ATG9A: variants seen among roughly 807,000 people sequenced by gnomAD.
ATG9A encodes the protein autophagy-related protein 9A.
In ATG9A, 21 loss-of-function variants were observed where a neutral mutation model predicts 87.1. The ratio of observed to expected loss-of-function variants is 0.24; its 90% confidence interval spans 0.17 to 0.35. ATG9A has a LOEUF of 0.35. ATG9A is among the 10% of genes least tolerant of loss of function. The probability of loss-of-function intolerance (pLI) is 1.00; values close to 1 mark genes in which losing one functional copy is unlikely to be tolerated. For missense variants in ATG9A, 836 were observed against 1,107.3 expected, an observed-to-expected ratio of 0.76 and a Z score of 3.48; for synonymous variants, 422 against 441.3, an observed-to-expected ratio of 0.96 and a Z score of 0.55.
At position 219,222,429 on chromosome 2, in the gene ATG9A, C is replaced by T; in HGVS notation, c.1870G>A (p.Val624Met). 5.1e-6 allele frequency: 8 copies of T among 1,572,834 alleles called. No individual in the cohort carries two copies. The highest frequency in any genetic ancestry group is 6.9e-6 in the Non-Finnish European group (8 of 1,160,524). ...CCCCGGCAGGATGAGCCAGCTACCA[C>T]ATTTGCGATAAGGCTCAGGGGCTAT... is the stretch of plus-strand genomic sequence containing the variant. ...ESEPLSLIAN[V>M]VAGSSCRGPP... Residue 624 changes from valine to methionine, a missense_variant, in exon 12 of 16, where the codon GTG (valine) becomes ATG (methionine). This residue lies in a region of ATG9A where 324 missense variants were observed against 347.6 expected (regional missense o/e 0.93). Coordinates refer to ENST00000361242, the MANE Select transcript of ATG9A (RefSeq NM_001077198.3). This position sits in a 1 kb window ranked among gnomAD's most constrained non-coding sequence, Gnocchi z 4.3.
intron 4 of ATG9A, among the ~76,000 whole-genome samples, chr2:219,227,310 G>C (rs888206023): frequency 6.6e-6 from 1 of 152,186 alleles, no homozygotes; most frequent in Non-Finnish European, 1.5e-5. Context: ...TTGAGGTCAG[G>C]AGTTCGAGAC....
intron 6 of ATG9A, 36 bp downstream of exon 6, chr2:219,225,375 C>G (rs1009521544): frequency 6.8e-6 from 11 of 1,608,238 alleles, no homozygotes; most frequent in Middle Eastern, 1.7e-4. Context: ...TAGCAGAACT[C>G]AAGGCTATGG....
chr2:219,228,318 A>G (rs1950911155), intron 2 of ATG9A, 116 bp downstream of exon 2: 2 of 404,618 alleles, frequency 4.9e-6, no homozygotes, highest in Admixed American at 4.2e-5. Flanking sequence ...TTCATCTTCT[A>G]TTTAACGGAC....
rs750665306 is a variant in ATG9A at position 219,223,777 on chromosome 2, G to A, written c.1420-13C>T. The A allele has an allele frequency of 6.2e-7, 1 of 1,613,552 alleles. No individual in the cohort carries two copies. The highest frequency in any genetic ancestry group is 1.1e-5 in the South Asian group (1 of 91,036). On this transcript the variant is annotated splice_polypyrimidine_tract_variant and intron_variant, in intron 9 of 15. Transcript: ENST00000361242. The surrounding 1 kb of genome is among the most constrained non-coding windows in gnomAD (Gnocchi z 4.7). Reference sequence around the variant, plus strand: ...CCAAAATGAACACCTAAAAGGGCGGGACCAAGGTCACAAGCGAGCAGGAGG... The same window carrying A: ...CCAAAATGAACACCTAAAAGGGCGGAACCAAGGTCACAAGCGAGCAGGAGG...
chr2:219,226,407 G>C (rs1030947069), intron 5 of ATG9A, among the ~76,000 whole-genome samples: 7 of 152,244 alleles, frequency 4.6e-5, no homozygotes, highest in African/African-American at 1.7e-4. Flanking sequence ...AAGCTTGGCC[G>C]GGCGTGGTGG....
rs16841418 is a variant in ATG9A, at chr2:219,229,579, CGCTCGGCTCG to C, written c.-136_-127del. On this transcript the variant is annotated 5_prime_UTR_variant, in exon 1 of 16. Coordinates refer to ENST00000361242, the MANE Select transcript of ATG9A (RefSeq NM_001077198.3). The surrounding 1 kb of genome is among the most constrained non-coding windows in gnomAD (Gnocchi z 4.2). ...GTGATTCCAGAGGCTCCGCCGGCTCCGCTCGGCTCGGCTCGGCTCGGCGCGACCCGCGGCG... is the reference window on the plus strand; with the variant it reads ...GTGATTCCAGAGGCTCCGCCGGCTCCGCTCGGCTCGGCGCGACCCGCGGCG... The C allele has an allele frequency of 1.3e-5, 2 of 152,652 alleles. No individual in the cohort carries two copies. The highest frequency in any genetic ancestry group is 6.5e-5 in the Admixed American group (1 of 15,284). The allele number at this position is 152,652 out of a possible 1,614,324, so 9.5% of individuals were successfully genotyped here.
In ATG9A at chr2:219,220,216, C is replaced by T. The variant is rs10799; in HGVS notation, c.*231G>A. On this transcript the variant is annotated 3_prime_UTR_variant, in exon 16 of 16. Transcript: ENST00000361242. ...GCACCACACTCTGAGCCAAGGGGGT[C>T]CTGGGGATGAGGCTAGAGTCCCGTG... 0.22 allele frequency: 121,969 copies of T among 547,526 alleles called. 16,990 individuals are homozygous for T. Among genetic ancestry groups the T allele is most frequent in the Non-Finnish European group, 0.29 (89,580 of 307,460 alleles). 33.9% of individuals were successfully genotyped at this position (547,526 alleles called of 1,614,324 possible).
chr2:219,225,236 G>A (rs1950837415), intron 6 of ATG9A, 24 bp from the exon 7 acceptor site: 3 of 1,613,698 alleles, frequency 1.9e-6, no homozygotes, highest in African/African-American at 1.3e-5. Context: ...AGAAGGGGAG[G>A]AGAGGTGGCC....
chr2:219,227,177 G>T (rs150775694), intron 4 of ATG9A, among the ~76,000 whole-genome samples: 2 of 152,348 alleles, frequency 1.3e-5, no homozygotes, highest in East Asian at 1.9e-4. Context: ...AGCTGACACA[G>T]AATGAGTCAA....
At chr2:219,225,612 A>C in intron 5 of ATG9A, 40 bp from the exon 6 acceptor site, 1 of 1,600,518 alleles carries the variant, frequency 6.2e-7, no homozygotes, top group Non-Finnish European at 8.5e-7. Flanking sequence ...TGAGAGCCAG[A>C]GAGGCTCCAG....
At chr2:219,228,368 T>C (rs1389639445) in intron 2 of ATG9A, 66 bp downstream of exon 2, 2 of 282,896 alleles carry the variant, frequency 7.1e-6, no homozygotes, top group Non-Finnish European at 1.3e-5. Flanking sequence ...AACCCTGGTC[T>C]CCCAAGAGAC....
chr2:219,220,626 G>A (rs999357347), intron 15 of ATG9A, 121 bp downstream of exon 15: 4 of 1,495,110 alleles, frequency 2.7e-6, no homozygotes, highest in Non-Finnish European at 3.7e-6. Flanking sequence ...GTGTGTTTTG[G>A]AAGGGAGGGT....
In ATG9A at chr2:219,225,173, A is replaced by T. The variant is rs1366675537; in HGVS notation, c.414T>A (p.Ile138=). 6 of 1,614,116 alleles carry T rather than the reference A, an allele frequency of 3.7e-6. No homozygotes were observed. Among genetic ancestry groups the T allele is most frequent in the Non-Finnish European group, 5.1e-6 (6 of 1,180,044 alleles). Residue 138 remains isoleucine, a synonymous_variant, in exon 7 of 16, where the codon ATT becomes ATA. Coordinates refer to ENST00000361242, the MANE Select transcript of ATG9A (RefSeq NM_001077198.3). Reference sequence around the variant, plus strand: ...GCCGGTGGATCCAGAAGACACCAGCAATGACCAGGATGGTGATAAGGGAGC... The same window carrying T: ...GCCGGTGGATCCAGAAGACACCAGCTATGACCAGGATGGTGATAAGGGAGC... ...ENGSLITILV[I]AGVFWIHRLI...
At chr2:219,228,132 A>T in intron 2 of ATG9A, 79 bp from the exon 3 acceptor site, 1 of 979,840 alleles carries the variant, frequency 1.0e-6, no homozygotes, top group East Asian at 2.6e-5. Context: ...TGCCAAAAGG[A>T]GAAAGTACCC....
rs1950816509 is a variant in ATG9A, at chr2:219,224,055, C to T, written c.1266-33G>A. On this transcript the variant is annotated intron_variant, in intron 8 of 15. Coordinates refer to ENST00000361242, the MANE Select transcript of ATG9A (RefSeq NM_001077198.3). The surrounding 1 kb of genome is among the most constrained non-coding windows in gnomAD (Gnocchi z 7.7). Reference sequence around the variant, plus strand: ...GATCAGGATCATGGTGAGATGTATGCCTTTCCCAGGAATGCTAGCCGGCTT... The same window carrying T: ...GATCAGGATCATGGTGAGATGTATGTCTTTCCCAGGAATGCTAGCCGGCTT... 1 of 1,605,210 alleles carries T rather than the reference C, an allele frequency of 6.2e-7. No individual in the cohort carries two copies. Among genetic ancestry groups the T allele is most frequent in the Non-Finnish European group, 8.5e-7 (1 of 1,174,566 alleles).
At chr2:219,221,954 G>T in intron 13 of ATG9A, 96 bp downstream of exon 13, 1 of 1,059,392 alleles carries the variant, frequency 9.4e-7, no homozygotes. Flanking sequence ...GGGAGTGGAG[G>T]TGGCAGAACA....
rs200215453 is a variant in ATG9A, at chr2:219,222,009, G to C, written c.2145+41C>G. ...TTTGGAACCCCGGTCTTGCTTCTCC[G>C]CATCTAAACCCTCTACTCTCTTTTT... On this transcript the variant is annotated intron_variant, in intron 13 of 15. Coordinates refer to ENST00000361242, the MANE Select transcript of ATG9A (RefSeq NM_001077198.3). This position sits in a 1 kb window ranked among gnomAD's most constrained non-coding sequence, Gnocchi z 4.3. The C allele has an allele frequency of 6.4e-7, 1 of 1,562,636 alleles. No homozygotes were observed. Among genetic ancestry groups the C allele is most frequent in the Non-Finnish European group, 8.7e-7 (1 of 1,143,068 alleles).
At position 219,224,922 on chromosome 2, in the gene ATG9A, A is replaced by G. The variant is rs1475531669; in HGVS notation, c.517-68T>C. ...GTTGTTGCCTCGACCCCTTTGCCCTATATTAGAAGTGAGATTCAGGGGTTG... is the reference window on the plus strand; with the variant it reads ...GTTGTTGCCTCGACCCCTTTGCCCTGTATTAGAAGTGAGATTCAGGGGTTG... On this transcript the variant is annotated intron_variant, in intron 7 of 15. Transcript: ENST00000361242. This position sits in a 1 kb window ranked among gnomAD's most constrained non-coding sequence, Gnocchi z 7.7. The G allele has an allele frequency of 1.3e-6, 2 of 1,585,774 alleles. No homozygotes were observed. The highest frequency in any genetic ancestry group is 4.5e-5 in the East Asian group (2 of 44,622).
chr2:219,227,446 G>A (rs1189054926), intron 4 of ATG9A, among the ~76,000 whole-genome samples: 1 of 152,082 alleles, frequency 6.6e-6, no homozygotes. Context: ...GAACCCAGGA[G>A]GTGGAGGTTG....
Sources: allele counts gnomAD v4.1 joint callset (sites outside exome capture counted in the v4.1 genomes callset), GRCh38; gene constraint gnomAD v4.1.1; regional missense constraint gnomAD v4.1.1; non-coding constraint Gnocchi (gnomAD v3.1); transcripts MANE v1.5; gene names NCBI Gene and HGNC (gene_info 2026-07-23, HGNC 2026-07-21).